Variants in ERP44 observed in about 807,000 individuals in gnomAD.
The protein encoded by ERP44 is endoplasmic reticulum protein 44, also known as endoplasmic reticulum resident protein 44.
Under a neutral mutation model 53.4 loss-of-function variants are expected in ERP44, and 25 were observed. The observed-to-expected ratio is 0.47, with a 90% CI of 0.34 to 0.65. The LOEUF (loss-of-function observed/expected upper bound fraction) is 0.65, where lower values mean the gene tolerates loss of function less well. Ranked by LOEUF, ERP44 falls within the 30% of genes least tolerant of loss-of-function variation. The probability of loss-of-function intolerance (pLI) is 0.01; values close to 1 mark genes in which losing one functional copy is unlikely to be tolerated. For missense variants in ERP44, 338 were observed against 493.2 expected (o/e 0.69, Z 2.98); for synonymous variants, 145 against 161.2 (o/e 0.90, Z 0.76).
In ERP44 at chr9:100,037,735, T is replaced by A. The variant is rs1825859385; in HGVS notation, c.286+14682A>T. Among the ~76,000 whole-genome samples the A allele has an allele frequency of 4.6e-5, 7 of 151,980 alleles. No homozygotes were observed. The South Asian group carries it at 1.5e-3, about 32-fold the overall frequency. On this transcript the variant is annotated intron_variant, in intron 4 of 11. Coordinates refer to ENST00000262455, the MANE Select transcript of ERP44 (RefSeq NM_015051.3). Reference sequence around the variant, plus strand: ...CTCCTGGATGACATTTCTAGATACATCCTGGGCTGGAAGGGAACCTGCTGC... The same window carrying A: ...CTCCTGGATGACATTTCTAGATACAACCTGGGCTGGAAGGGAACCTGCTGC...
intron 1 of ERP44, among the ~76,000 whole-genome samples, chr9:100,098,348 C>T (rs1283583739): frequency 6.6e-6 from 1 of 152,146 alleles, no homozygotes; most frequent in Non-Finnish European, 1.5e-5. Context: ...ACCCGGGCAC[C>T]GCTTCAGGGA....
chr9:100,057,967 A>C, intron 2 of ERP44, 108 bp from the exon 3 acceptor site: 1 of 804,404 alleles, frequency 1.2e-6, no homozygotes, highest in Non-Finnish European at 2.0e-6. Context: ...ACTTAAAAAA[A>C]CACAGTAACT....
intron 4 of ERP44, among the ~76,000 whole-genome samples, chr9:100,038,237 C>G (rs1825863942): frequency 6.6e-6 from 1 of 152,116 alleles, no homozygotes; most frequent in Non-Finnish European, 1.5e-5. Context: ...GGTGTGTCAA[C>G]TACTTTTAAG....
chr9:100,043,690 A>T (rs1471415351), intron 4 of ERP44, among the ~76,000 whole-genome samples: 5 of 151,762 alleles, frequency 3.3e-5, no homozygotes, highest in African/African-American at 4.8e-5. Flanking sequence ...TGGAGGCAGA[A>T]GTTGCAGTGA....
chr9:100,079,600 T>C (rs1275342104), intron 1 of ERP44, among the ~76,000 whole-genome samples: 1 of 152,032 alleles, frequency 6.6e-6, no homozygotes, highest in African/African-American at 2.4e-5. Context: ...AAAATATATA[T>C]TATAATTTTT....
At chr9:100,032,073 C>T (rs1825797324) in intron 4 of ERP44, among the ~76,000 whole-genome samples, 1 of 152,118 alleles carries the variant, frequency 6.6e-6, no homozygotes, top group South Asian at 2.1e-4. Context: ...GTCCTCACAC[C>T]CCACTGAGAG....
At chr9:100,014,442 G>A (rs1048373874) in intron 8 of ERP44, among the ~76,000 whole-genome samples, 1 of 151,888 alleles carries the variant, frequency 6.6e-6, no homozygotes, top group South Asian at 2.1e-4. Context: ...CTGCCACCAC[G>A]CCTGGCTAAT....
At chr9:100,046,480 C>T (rs1010996446) in intron 4 of ERP44, among the ~76,000 whole-genome samples, 3 of 152,066 alleles carry the variant, frequency 2.0e-5, no homozygotes, top group African/African-American at 7.2e-5. Flanking sequence ...ATATGATCTA[C>T]AATTATTCCA....
chr9:100,018,196 C>T (rs1830544036), intron 7 of ERP44, 60 bp downstream of exon 7: 5 of 1,019,250 alleles, frequency 4.9e-6, no homozygotes, highest in Admixed American at 3.4e-5. Context: ...TATAAAACTA[C>T]ATCTTACGCA....
At chr9:100,059,977 TCAGAATGCC>T in intron 2 of ERP44, 114 bp downstream of exon 2, 1 of 818,382 alleles carries the variant, frequency 1.2e-6, no homozygotes. Flanking sequence ...ATGGAATTAA[TCAGAATGCC>T]AGCTCTTCAT....
At chr9:100,059,736 A>C (rs1407312120) in intron 2 of ERP44, among the ~76,000 whole-genome samples, 1 of 152,152 alleles carries the variant, frequency 6.6e-6, no homozygotes, top group African/African-American at 2.4e-5. Flanking sequence ...TAACTGGACC[A>C]ATAACAATAA....
At chr9:100,029,814 G>T (rs1018074380) in intron 4 of ERP44, among the ~76,000 whole-genome samples, 1 of 152,220 alleles carries the variant, frequency 6.6e-6, no homozygotes, top group Non-Finnish European at 1.5e-5. Context: ...GTGGGGCCGG[G>T]TGCGGTGGCT....
intron 1 of ERP44, among the ~76,000 whole-genome samples, chr9:100,062,275 T>C (rs1246632525): frequency 1.3e-5 from 2 of 152,232 alleles, no homozygotes; most frequent in Non-Finnish European, 2.9e-5. Flanking sequence ...TAAATTTGTA[T>C]GCTTTTCTCT....
chr9:100,062,032 G>A (rs1023323291), intron 1 of ERP44, among the ~76,000 whole-genome samples: 4 of 151,990 alleles, frequency 2.6e-5, no homozygotes, highest in Non-Finnish European at 5.9e-5. Context: ...TTAAGACCCC[G>A]CTAAGAGACG....
chr9:100,002,748 C>T (rs892992626), intron 10 of ERP44, among the ~76,000 whole-genome samples: 4 of 152,130 alleles, frequency 2.6e-5, no homozygotes, highest in African/African-American at 9.7e-5. Flanking sequence ...TTGCTGCTTT[C>T]AGAATCTTCC....
chr9:99,983,043 T>C (rs919062966), intron 11 of ERP44, among the ~76,000 whole-genome samples: 1 of 152,152 alleles, frequency 6.6e-6, no homozygotes, highest in African/African-American at 2.4e-5. Flanking sequence ...CAACCCTAGG[T>C]TGGCCCAAAC....
intron 1 of ERP44, 148 bp from the exon 2 acceptor site, chr9:100,060,320 T>C (rs1209462884): frequency 6.3e-6 from 6 of 950,078 alleles, no homozygotes; most frequent in Non-Finnish European, 6.8e-6. Flanking sequence ...TAGTCTAATC[T>C]TTTACTAGAT....
intron 4 of ERP44, among the ~76,000 whole-genome samples, chr9:100,035,774 AG>A (rs1564094698): frequency 6.6e-6 from 1 of 152,242 alleles, no homozygotes; most frequent in African/African-American, 2.4e-5. Context: ...ACATACAAGC[AG>A]CCAACAAACA....
intron 10 of ERP44, among the ~76,000 whole-genome samples, chr9:100,003,268 A>AT (rs1466238034): frequency 6.6e-6 from 1 of 152,168 alleles, no homozygotes; most frequent in Non-Finnish European, 1.5e-5. Flanking sequence ...ATTATTCTGA[A>AT]TTCTTTGTCA....
Sources: gnomAD v4.1 joint callset for allele counts (sites outside exome capture counted in the v4.1 genomes callset) on GRCh38, gnomAD v4.1.1 for gene constraint, MANE v1.5 for transcripts, NCBI Gene and HGNC (gene_info 2026-07-23, HGNC 2026-07-21) for gene names.